The following RNLS variants were observed in gnomAD, a reference collection of about 807,000 sequenced individuals.
RNLS encodes the protein renalase, FAD dependent amine oxidase, also known as renalase.
Under a neutral mutation model 39.8 loss-of-function variants are expected in RNLS, and 39 were observed. The ratio of observed to expected loss-of-function variants is 0.98; its 90% CI spans 0.76 to 1.28. The LOEUF is 1.28. Ranked by LOEUF, RNLS falls within the 50% of genes most tolerant of loss-of-function variation. The pLI is 0.00. For synonymous variants in RNLS, 147 were observed against 150.7 expected, an observed-to-expected ratio of 0.98 and a Z score of 0.18; for missense variants, 410 against 413.3, an observed-to-expected ratio of 0.99 and a Z score of 0.07.
chr10:88,249,754 T>G, the RNLS span, among the ~76,000 whole-genome samples: 1 of 152,194 alleles, frequency 6.6e-6, no homozygotes, highest in African/African-American at 2.4e-5. Context: ...CCCAAATGTG[T>G]GTGTGCCATT....
At chr10:88,226,696 A>G in the RNLS span, among the ~76,000 whole-genome samples, 2 of 144,636 alleles carry the variant, frequency 1.4e-5, no homozygotes, top group African/African-American at 5.1e-5. Flanking sequence ...TTTTTTAACC[A>G]TTTAACCCTC....
At chr10:88,262,423 A>G in the RNLS span, among the ~76,000 whole-genome samples, 2 of 152,218 alleles carry the variant, frequency 1.3e-5, no homozygotes, top group African/African-American at 2.4e-5. Context: ...CACACATTCA[A>G]GTTCAAGGAA....
chr10:88,486,326 A>C (rs1051932789), intron 4 of RNLS, among the ~76,000 whole-genome samples: 7 of 152,108 alleles, frequency 4.6e-5, no homozygotes, highest in Non-Finnish European at 2.9e-5. Context: ...ATTTCATGAC[A>C]AAGATGCCAA....
chr10:88,521,551 T>C (rs1846737374), intron 4 of RNLS, among the ~76,000 whole-genome samples: 1 of 152,036 alleles, frequency 6.6e-6, no homozygotes, highest in African/African-American at 2.4e-5. Context: ...GGCAACAGAA[T>C]TTTTAAAAAT....
the RNLS span, among the ~76,000 whole-genome samples, chr10:88,240,097 G>C: frequency 6.6e-6 from 1 of 152,162 alleles, no homozygotes; most frequent in South Asian, 2.1e-4. Flanking sequence ...TCTTCGCTCT[G>C]TTTTCAAAGT....
At chr10:88,295,755 T>A (rs1844047847) in intron 6 of RNLS, among the ~76,000 whole-genome samples, 1 of 152,182 alleles carries the variant, frequency 6.6e-6, no homozygotes, top group African/African-American at 2.4e-5. Flanking sequence ...AATTATATGA[T>A]CCATGTAGCA....
intron 5 of RNLS, among the ~76,000 whole-genome samples, chr10:88,329,211 C>T (rs1844694915): frequency 6.6e-6 from 1 of 151,672 alleles, no homozygotes; most frequent in Admixed American, 6.6e-5. Context: ...AAGACCACCA[C>T]ACCCAGCTAG....
chr10:88,487,208 G>A (rs1371464173), intron 4 of RNLS, among the ~76,000 whole-genome samples: 1 of 152,314 alleles, frequency 6.6e-6, no homozygotes, highest in East Asian at 1.9e-4. Flanking sequence ...GTTGAGAGTA[G>A]AAGGTGGGAG....
chr10:88,411,934 T>C (rs1853683061), intron 4 of RNLS, among the ~76,000 whole-genome samples: 1 of 152,068 alleles, frequency 6.6e-6, no homozygotes, highest in Middle Eastern at 3.2e-3. Flanking sequence ...ACTAGGATCA[T>C]TCAACATGGC....
At chr10:88,475,715 G>C (rs1188135871) in intron 4 of RNLS, among the ~76,000 whole-genome samples, 11 of 152,046 alleles carry the variant, frequency 7.2e-5, no homozygotes, top group Non-Finnish European at 4.4e-5. Context: ...TCTGGCTTTT[G>C]GGGGGTGGGA....
chr10:88,409,120 C>A (rs1184834108), intron 4 of RNLS, among the ~76,000 whole-genome samples: 1 of 152,072 alleles, frequency 6.6e-6, no homozygotes, highest in Non-Finnish European at 1.5e-5. Flanking sequence ...AATCTATACA[C>A]AATATCCTTT....
At chr10:88,216,328 G>A in the RNLS span, among the ~76,000 whole-genome samples, 1 of 152,202 alleles carries the variant, frequency 6.6e-6, no homozygotes, top group South Asian at 2.1e-4. Flanking sequence ...TTCAGGGGTA[G>A]TTAGCTTCAG....
chr10:88,388,003 G>A (rs2133561925), intron 4 of RNLS, among the ~76,000 whole-genome samples: 2 of 152,202 alleles, frequency 1.3e-5, no homozygotes, highest in South Asian at 4.1e-4. Context: ...GGGCTCAGAG[G>A]GCAGTCCTGA....
chr10:88,293,391 T>G (rs1386555512), intron 6 of RNLS, among the ~76,000 whole-genome samples: 2 of 152,160 alleles, frequency 1.3e-5, no homozygotes, highest in Non-Finnish European at 2.9e-5. Flanking sequence ...ATTGAATATT[T>G]GGTTAACTTG....
In RNLS at chr10:88,362,527, TA is replaced by T. The variant is rs1414236172; in HGVS notation, c.700+24del. 2.5e-6 allele frequency: 4 copies of T among 1,605,528 alleles called. No individual in the cohort carries two copies. The South Asian group carries it at 4.4e-5, about 18-fold the overall frequency. ...CTACACCCACCATTGTTGCTGTATTTAAGGGAAATAATAGGGGTACTGACCT... is the reference window on the plus strand; with the variant it reads ...CTACACCCACCATTGTTGCTGTATTTAGGGAAATAATAGGGGTACTGACCT... On this transcript the variant is annotated intron_variant, in intron 5 of 6. Transcript: ENST00000331772.
intron 4 of RNLS, among the ~76,000 whole-genome samples, chr10:88,566,112 G>A (rs530241451): frequency 1.8e-4 from 27 of 151,808 alleles, no homozygotes; most frequent in African/African-American, 4.8e-4. Flanking sequence ...TCAAAAAATC[G>A]TAAAGAAGAA....
At chr10:88,523,519 C>T (rs903648549) in intron 4 of RNLS, among the ~76,000 whole-genome samples, 10 of 152,078 alleles carry the variant, frequency 6.6e-5, no homozygotes, top group South Asian at 2.1e-4. Flanking sequence ...AGCAAGGGAT[C>T]GCTTTACATC....
At chr10:88,434,556 C>T (rs1005661972) in intron 4 of RNLS, among the ~76,000 whole-genome samples, 2 of 152,124 alleles carry the variant, frequency 1.3e-5, no homozygotes, top group East Asian at 1.9e-4. Context: ...CTTAACATTG[C>T]TGAATCTGTT....
At chr10:88,511,256 C>T (rs971430220) in intron 4 of RNLS, among the ~76,000 whole-genome samples, 9 of 151,992 alleles carry the variant, frequency 5.9e-5, no homozygotes, top group African/African-American at 1.2e-4. Context: ...AGGCCACAGG[C>T]GATGACAGCA....
Sources: gnomAD v4.1 joint callset for allele counts (sites outside exome capture counted in the v4.1 genomes callset) on GRCh38, gnomAD v4.1.1 for gene constraint, MANE v1.5 for transcripts, NCBI Gene and HGNC (gene_info 2026-07-23, HGNC 2026-07-21) for gene names.